Variants in CDC73 observed in about 807,000 individuals in gnomAD.
CDC73 encodes cell division cycle 73, also known as parafibromin.
A neutral mutation model predicts 83.7 loss-of-function variants in CDC73; 21 were observed. The ratio of observed to expected loss-of-function variants is 0.25; its 90% CI spans 0.18 to 0.36. CDC73 has a LOEUF of 0.36. CDC73 is among the 10% of genes least tolerant of loss of function. The pLI is 1.00. For missense variants in CDC73, 342 were observed against 653.3 expected (o/e 0.52, Z 5.19); for synonymous variants, 224 against 212.9 (o/e 1.05, Z -0.45).
intron 11 of CDC73, among the ~76,000 whole-genome samples, chr1:193,207,966 G>C (rs2103181744): frequency 6.6e-6 from 1 of 152,256 alleles, no homozygotes; most frequent in South Asian, 2.1e-4. Context: ...TCAAACCTCT[G>C]GTATCTTATA....
At chr1:193,178,965 T>G (rs1053384247) in intron 10 of CDC73, 2 of 151,404 alleles carry the variant, frequency 1.3e-5, no homozygotes, top group Non-Finnish European at 2.9e-5. Context: ...ACTATTTTAG[T>G]TAGTAGGTTG....
chr1:193,128,316 CAG>C (rs777739024), intron 2 of CDC73, among the ~76,000 whole-genome samples: 18 of 151,516 alleles, frequency 1.2e-4, no homozygotes, highest in Admixed American at 5.3e-4. Flanking sequence ...TTTTTTGAGA[CAG>C]AGTCTTGCTC....
intron 10 of CDC73, among the ~76,000 whole-genome samples, chr1:193,201,952 A>T (rs1472226309): frequency 1.3e-5 from 2 of 152,092 alleles, no homozygotes; most frequent in African/African-American, 2.4e-5. Context: ...AAGGGCTTTG[A>T]TTTGAATCTA....
intron 3 of CDC73, among the ~76,000 whole-genome samples, chr1:193,130,701 A>AG (rs983701896): frequency 2.7e-4 from 41 of 152,264 alleles, no homozygotes; most frequent in African/African-American, 9.6e-4. Flanking sequence ...TCTTTCTTGA[A>AG]GCCACTCTAG....
rs552978336 is a variant in CDC73 at position 193,233,050 on chromosome 1, A to C, written c.1212A>C (p.Leu404=). 2 of 1,613,562 alleles carry C rather than the reference A, an allele frequency of 1.2e-6. No homozygotes were observed. The highest frequency in any genetic ancestry group is 3.3e-5 in the Admixed American group (2 of 60,028). ...GTTGTCAACGAGAAAATGAAACTCT[A>C]ATACAAAGAAGAAAAGACCAGATGC... ...KQGCQRENET[L]IQRRKDQMQP... Residue 404 remains leucine (L), a synonymous_variant, in exon 14 of 17, where the codon CTA becomes CTC. Transcript: ENST00000367435.
intron 10 of CDC73, chr1:193,179,071 T>A (rs1055980890): frequency 1.3e-5 from 2 of 152,318 alleles, no homozygotes; most frequent in African/African-American, 2.4e-5. Flanking sequence ...CCTTTATTTT[T>A]AAAAACTTCA....
At chr1:193,233,732 A>G (rs550932739) in intron 14 of CDC73, among the ~76,000 whole-genome samples, 4 of 152,308 alleles carry the variant, frequency 2.6e-5, no homozygotes, top group Non-Finnish European at 4.4e-5. Context: ...CTGGTAAGAA[A>G]AAAATGAAGG....
At chr1:193,181,788 A>C in intron 10 of CDC73, 1 of 421,782 alleles carries the variant, frequency 2.4e-6, no homozygotes. Context: ...AATATAACCC[A>C]GGAACGAAGC....
At chr1:193,203,553 A>G (rs1171002011) in intron 10 of CDC73, among the ~76,000 whole-genome samples, 6 of 152,144 alleles carry the variant, frequency 3.9e-5, no homozygotes, top group Admixed American at 1.3e-4. Context: ...TGTAGTAACT[A>G]AGTTTATTTT....
intron 7 of CDC73, among the ~76,000 whole-genome samples, chr1:193,143,005 G>T (rs761701305): frequency 6.6e-6 from 1 of 152,118 alleles, no homozygotes; most frequent in Non-Finnish European, 1.5e-5. Flanking sequence ...GTTGAAGTGT[G>T]CAAAGTTACT....
chr1:193,205,339 A>T (rs568834254), intron 11 of CDC73, among the ~76,000 whole-genome samples: 2 of 151,990 alleles, frequency 1.3e-5, no homozygotes, highest in East Asian at 3.9e-4. Flanking sequence ...GCAGATTTGG[A>T]TATCCTCATT....
rs80258853 is a variant in CDC73, at chr1:193,202,631, T to C, written c.973-1164T>C. On this transcript the variant is annotated intron_variant, in intron 10 of 16. Transcript: ENST00000367435. ...CAGGTGTCTTTTTTTTTTTTTTTTTTCCTTCTTGGAGTTTTTGCTACCTAC... is the reference window on the plus strand; with the variant it reads ...CAGGTGTCTTTTTTTTTTTTTTTTTCCCTTCTTGGAGTTTTTGCTACCTAC... 7.4e-5 allele frequency among the ~76,000 whole-genome samples: 11 copies of C among 149,272 alleles called. 1 individual carries two copies. Among genetic ancestry groups the C allele is most frequent in the Non-Finnish European group, 1.2e-4 (8 of 66,892 alleles).
At chr1:193,241,404 G>C (rs1677855234) in intron 15 of CDC73, among the ~76,000 whole-genome samples, 1 of 152,232 alleles carries the variant, frequency 6.6e-6, no homozygotes, top group Non-Finnish European at 1.5e-5. Context: ...AGCAGGCTGA[G>C]CCTGCCTGTT....
intron 5 of CDC73, among the ~76,000 whole-genome samples, chr1:193,137,318 C>T (rs1201407590): frequency 6.6e-6 from 1 of 152,100 alleles, no homozygotes; most frequent in African/African-American, 2.4e-5. Flanking sequence ...GAATTGGAGC[C>T]CAACATCTTT....
intron 10 of CDC73, among the ~76,000 whole-genome samples, chr1:193,172,385 G>T (rs1490041409): frequency 1.3e-5 from 2 of 152,012 alleles, no homozygotes; most frequent in African/African-American, 2.4e-5. Context: ...GTTGATTGGT[G>T]AGAGACTGCT....
intron 7 of CDC73, among the ~76,000 whole-genome samples, chr1:193,143,655 A>G (rs1675944999): frequency 6.6e-6 from 1 of 152,192 alleles, no homozygotes; most frequent in Admixed American, 6.5e-5. Context: ...CTTTCTGTGT[A>G]TTGTTTTTAT....
intron 14 of CDC73, 54 bp downstream of exon 14, chr1:193,233,208 G>T: frequency 6.7e-7 from 1 of 1,494,982 alleles, no homozygotes; most frequent in Non-Finnish European, 9.3e-7. Context: ...CCAAGAGAAT[G>T]AATGTTGTTA....
At position 193,135,687 on chromosome 1, in the gene CDC73, T is replaced by A. The variant is rs1287301028; in HGVS notation, c.423+98T>A. ...CTTTGATTGCAGTAACCTGAGGAGC[T>A]TTTTTTCTGGAAAAATTTTTGTGGT... On this transcript the variant is annotated intron_variant, in intron 5 of 16. Coordinates refer to ENST00000367435, the MANE Select transcript of CDC73 (RefSeq NM_024529.5). 4.1e-6 allele frequency: 4 copies of A among 967,446 alleles called. No homozygotes were observed. The South Asian group carries it at 4.6e-5, about 11-fold the overall frequency. 59.9% of individuals were successfully genotyped at this position (967,446 alleles called of 1,614,324 possible).
chr1:193,157,139 G>A (rs535257491), intron 10 of CDC73, among the ~76,000 whole-genome samples: 1 of 152,302 alleles, frequency 6.6e-6, no homozygotes, highest in Middle Eastern at 3.4e-3. Flanking sequence ...TTTAGGAGCA[G>A]TGAACAAAAA....
Sources: gnomAD v4.1 joint callset for allele counts (sites outside exome capture counted in the v4.1 genomes callset) on GRCh38, gnomAD v4.1.1 for gene constraint, MANE v1.5 for transcripts, NCBI Gene and HGNC (gene_info 2026-07-23, HGNC 2026-07-21) for gene names.